KCNB2: variants seen among roughly 807,000 people sequenced by gnomAD.
The protein encoded by KCNB2 is potassium voltage-gated channel subfamily B member 2.
A neutral mutation model predicts 61.5 loss-of-function variants in KCNB2; 15 were observed. The ratio of observed to expected loss-of-function variants is 0.24; its 90% CI spans 0.16 to 0.38. The LOEUF (loss-of-function observed/expected upper bound fraction) is 0.38. Among genes scored for constraint, KCNB2 ranks in the 10% least tolerant of loss-of-function variants. The pLI, the probability that KCNB2 is intolerant of heterozygous loss-of-function variation, is 1.00. For synonymous variants in KCNB2, 457 were observed against 446.0 expected (o/e 1.02, Z -0.31); for missense variants, 828 against 1,125.2 (o/e 0.74, Z 3.78).
intron 2 of KCNB2, among the ~76,000 whole-genome samples, chr8:72,744,844 T>C (rs963815253): frequency 2.0e-5 from 3 of 152,162 alleles, no homozygotes; most frequent in African/African-American, 7.2e-5. Flanking sequence ...GAAAAAGCCA[T>C]AGGGGTAAGC....
At position 72,858,093 on chromosome 8, in the gene KCNB2, A is replaced by G. The variant is rs183014604; in HGVS notation, c.580-77842A>G. 3.2e-3 allele frequency among the ~76,000 whole-genome samples: 487 copies of G among 152,296 alleles called. 5 individuals are homozygous for G. Among genetic ancestry groups the G allele is most frequent in the Middle Eastern group, 0.031 (9 of 294 alleles). On this transcript the variant is annotated intron_variant, in intron 2 of 2. Transcript: ENST00000523207. ...TTAAACCTTATCTGCTTGGCCTTAA[A>G]TGTTAAAACTGAGCATTTTCTAGTT... is the stretch of plus-strand genomic sequence containing the variant.
chr8:72,747,291 A>G (rs951778809), intron 2 of KCNB2, among the ~76,000 whole-genome samples: 1 of 152,144 alleles, frequency 6.6e-6, no homozygotes, highest in African/African-American at 2.4e-5. Context: ...GGGAAAGAGG[A>G]GCTGTCCCTA....
At chr8:72,606,826 C>A (rs1021921597) in intron 2 of KCNB2, among the ~76,000 whole-genome samples, 1 of 152,110 alleles carries the variant, frequency 6.6e-6, no homozygotes, top group Non-Finnish European at 1.5e-5. Context: ...AAAGTTAAGG[C>A]AGAAAAGTGT....
intron 2 of KCNB2, among the ~76,000 whole-genome samples, chr8:72,651,494 T>C (rs1806209983): frequency 1.3e-5 from 2 of 152,106 alleles, no homozygotes; most frequent in African/African-American, 4.8e-5. Context: ...CTGTTAAAGA[T>C]TACTTAACAT....
At chr8:72,885,300 A>C (rs948213249) in intron 2 of KCNB2, among the ~76,000 whole-genome samples, 8 of 152,076 alleles carry the variant, frequency 5.3e-5, no homozygotes, top group African/African-American at 1.9e-4. Context: ...TTTCTTGTTC[A>C]CTTTTAGCTA....
At chr8:72,663,054 C>T (rs924166451) in intron 2 of KCNB2, among the ~76,000 whole-genome samples, 4 of 152,122 alleles carry the variant, frequency 2.6e-5, no homozygotes, top group Non-Finnish European at 5.9e-5. Context: ...TACTAACCAA[C>T]ATTTATGGGA....
chr8:72,742,744 C>T (rs182606082), intron 2 of KCNB2, among the ~76,000 whole-genome samples: 2 of 152,312 alleles, frequency 1.3e-5, no homozygotes, highest in Admixed American at 1.3e-4. Flanking sequence ...ATTGCAGCTT[C>T]CACTCACATC....
At chr8:72,721,065 C>T (rs1807540053) in intron 2 of KCNB2, among the ~76,000 whole-genome samples, 1 of 152,170 alleles carries the variant, frequency 6.6e-6, no homozygotes, top group African/African-American at 2.4e-5. Flanking sequence ...CAAAGAACTC[C>T]AAATCTGGAC....
intron 2 of KCNB2, among the ~76,000 whole-genome samples, chr8:72,588,243 A>G (rs1276604826): frequency 1.5e-5 from 2 of 133,472 alleles, no homozygotes; most frequent in African/African-American, 5.5e-5. Flanking sequence ...TTTGAGACAG[A>G]GTTTTGCACT....
rs1275921066 is a variant in KCNB2, at chr8:72,716,888, T to C, written c.579+148575T>C. ...AAGTCAAATTGTCCCTGTTTGCAGA[T>C]GACATGATTGTATATCTAGAAAACC... On this transcript the variant is annotated intron_variant, in intron 2 of 2. Transcript: ENST00000523207. Among the ~76,000 whole-genome samples the C allele has an allele frequency of 5.3e-5, 8 of 151,992 alleles. No homozygotes were observed. The East Asian group carries it at 1.2e-3, about 22-fold the overall frequency.
intron 2 of KCNB2, among the ~76,000 whole-genome samples, chr8:72,694,062 ATAT>A (rs1225908396): frequency 1.3e-5 from 2 of 152,262 alleles, no homozygotes; most frequent in African/African-American, 4.8e-5. Context: ...GAGCATTTTA[ATAT>A]TATCTGCTGT....
intron 2 of KCNB2, among the ~76,000 whole-genome samples, chr8:72,793,353 G>A (rs1563386934): frequency 6.6e-6 from 1 of 152,212 alleles, no homozygotes; most frequent in Non-Finnish European, 1.5e-5. Context: ...AGGCTTATCT[G>A]TGGAGGTGAC....
intron 2 of KCNB2, among the ~76,000 whole-genome samples, chr8:72,592,768 G>A (rs1278908457): frequency 2.0e-5 from 3 of 152,138 alleles, no homozygotes; most frequent in Non-Finnish European, 4.4e-5. Flanking sequence ...GTCCATGCTA[G>A]ACATATGTAG....
chr8:72,924,552 A>C (rs953472325), intron 2 of KCNB2, among the ~76,000 whole-genome samples: 1 of 152,216 alleles, frequency 6.6e-6, no homozygotes, highest in Non-Finnish European at 1.5e-5. Flanking sequence ...ATTTTGAATG[A>C]CAAGGCCTTA....
In KCNB2 at chr8:72,537,261, G is replaced by C. The variant is rs1228695385; in HGVS notation, c.-718G>C. Reference sequence around the variant, plus strand: ...TGCGCGCCGGGCCGGCTAGCTGCGGGGCGGGGGAGCGGCGCCCCAGAGCGC... The same window carrying C: ...TGCGCGCCGGGCCGGCTAGCTGCGGCGCGGGGGAGCGGCGCCCCAGAGCGC... On this transcript the variant is annotated 5_prime_UTR_variant, in exon 1 of 3. Coordinates refer to ENST00000523207, the MANE Select transcript of KCNB2 (RefSeq NM_004770.3). 6.6e-6 allele frequency: 1 copy of C among 151,522 alleles called. No homozygotes were observed. Among genetic ancestry groups the C allele is most frequent in the African/African-American group, 2.4e-5 (1 of 41,348 alleles). The allele number at this position is 151,522 out of a possible 1,614,324, so 9.4% of individuals were successfully genotyped here. A position where few individuals can be genotyped will look rare whatever the true frequency, so the allele number is the denominator to read the frequency against.
At chr8:72,550,166 T>C (rs1806322676) in intron 1 of KCNB2, among the ~76,000 whole-genome samples, 1 of 152,236 alleles carries the variant, frequency 6.6e-6, no homozygotes, top group Non-Finnish European at 1.5e-5. Context: ...ATTTAACTCT[T>C]GTTTGCCTCT....
At chr8:72,710,084 A>AT (rs1807301560) in intron 2 of KCNB2, among the ~76,000 whole-genome samples, 1 of 152,098 alleles carries the variant, frequency 6.6e-6, no homozygotes, top group Non-Finnish European at 1.5e-5. Flanking sequence ...ACTCCCCATC[A>AT]TCCATCAAGA....
chr8:72,859,540 C>T (rs934828398), intron 2 of KCNB2, among the ~76,000 whole-genome samples: 1 of 151,800 alleles, frequency 6.6e-6, no homozygotes. Context: ...ACTTTCCCAA[C>T]CCTAAGCAAG....
chr8:72,629,577 G>T (rs1257555942), intron 2 of KCNB2, among the ~76,000 whole-genome samples: 1 of 152,172 alleles, frequency 6.6e-6, no homozygotes, highest in African/African-American at 2.4e-5. Context: ...GCTCTGATTG[G>T]CTATGCCTGA....
Sources: gnomAD v4.1 joint callset for allele counts (sites outside exome capture counted in the v4.1 genomes callset) on GRCh38, gnomAD v4.1.1 for gene constraint, MANE v1.5 for transcripts, NCBI Gene and HGNC (gene_info 2026-07-23, HGNC 2026-07-21) for gene names.